Variants in VOPP1 observed in about 807,000 individuals in gnomAD.
VOPP1 encodes WW domain binding protein VOPP1.
A neutral mutation model predicts 23.5 loss-of-function variants in VOPP1; 8 were observed. That is an observed-to-expected ratio of 0.34 (90% CI 0.20 to 0.61). The LOEUF (loss-of-function observed/expected upper bound fraction) is 0.61, where lower values mean the gene tolerates loss of function less well. VOPP1 is among the 20% of genes least tolerant of loss of function. The pLI is 0.78. For synonymous variants in VOPP1, 83 were observed against 97.3 expected, an observed-to-expected ratio of 0.85 and a Z score of 0.86; for missense variants, 174 against 238.1, an observed-to-expected ratio of 0.73 and a Z score of 1.77.
intron 4 of VOPP1, among the ~76,000 whole-genome samples, chr7:55,460,566 C>T (rs78798305): frequency 0.02 from 3,074 of 152,140 alleles, 122 homozygotes; most frequent in African/African-American, 0.071. Context: ...TTGCCTTATA[C>T]AGCTGGGTGC....
At chr7:55,503,962 A>AATC (rs1794539528) in intron 2 of VOPP1, among the ~76,000 whole-genome samples, 1 of 152,196 alleles carries the variant, frequency 6.6e-6, no homozygotes, top group Non-Finnish European at 1.5e-5. Flanking sequence ...TTTATAGAAA[A>AATC]ATCATCTCTG....
rs1019292100 is a variant in VOPP1, at chr7:55,497,782, C to T, written c.114-92G>A. 19 of 1,105,548 alleles carry T rather than the reference C, an allele frequency of 1.7e-5. No homozygotes were observed. The East Asian group carries it at 4.5e-4, about 26-fold the overall frequency. 68.5% of individuals were successfully genotyped at this position (1,105,548 alleles called of 1,614,324 possible). On this transcript the variant is annotated intron_variant, in intron 2 of 4. Transcript: ENST00000285279. ...CAGGCTGGGCTTCAATGTAATCATT[C>T]TTGAAGGAAGAAATCAGTAAGAGCA...
intron 1 of VOPP1, among the ~76,000 whole-genome samples, chr7:55,543,043 G>A (rs1439883588): frequency 2.0e-5 from 3 of 151,990 alleles, no homozygotes; most frequent in Non-Finnish European, 4.4e-5. Context: ...AGCCTCTCGA[G>A]TAGCTGGGAA....
At chr7:55,456,369 C>T (rs527515656) in intron 4 of VOPP1, among the ~76,000 whole-genome samples, 1 of 152,154 alleles carries the variant, frequency 6.6e-6, no homozygotes, top group Non-Finnish European at 1.5e-5. Flanking sequence ...ATTAGTTCAG[C>T]CATTGTGGAA....
chr7:55,453,176 T>C (rs927874724), intron 4 of VOPP1, among the ~76,000 whole-genome samples: 7 of 152,244 alleles, frequency 4.6e-5, no homozygotes, highest in Non-Finnish European at 1.0e-4. Flanking sequence ...GATGACTTCT[T>C]TTCTTAAACC....
At chr7:55,549,155 G>A (rs903022112) in intron 1 of VOPP1, among the ~76,000 whole-genome samples, 19 of 152,258 alleles carry the variant, frequency 1.2e-4, no homozygotes, top group Admixed American at 4.6e-4. Flanking sequence ...CTCCAAATGC[G>A]CCTAAATTAC....
At chr7:55,504,307 A>G (rs1292878580) in intron 2 of VOPP1, among the ~76,000 whole-genome samples, 2 of 152,214 alleles carry the variant, frequency 1.3e-5, no homozygotes, top group Admixed American at 1.3e-4. Context: ...AGGCTTCCCA[A>G]TTTAGAAGCA....
intron 4 of VOPP1, among the ~76,000 whole-genome samples, chr7:55,441,139 G>C (rs144509072): frequency 6.6e-6 from 1 of 152,156 alleles, no homozygotes; most frequent in Non-Finnish European, 1.5e-5. Flanking sequence ...GTTGCTTGCC[G>C]GCACAGAGCC....
chr7:55,537,455 C>T lies in VOPP1; in HGVS notation c.55-16325G>A, dbSNP rs372358202. On this transcript the variant is annotated intron_variant, in intron 1 of 4. Transcript: ENST00000285279. ...CTTTCCCAGAACTGAAGCCCAAACT[C>T]TGGGCCAGGCTTCACAGCAAACTGA... 367 of 1,535,692 alleles carry T rather than the reference C, an allele frequency of 2.4e-4. 2 individuals carry two copies. The East Asian group carries it at 6.5e-3, about 27-fold the overall frequency.
intron 4 of VOPP1, among the ~76,000 whole-genome samples, chr7:55,481,184 G>C (rs1792679946): frequency 6.6e-6 from 1 of 152,262 alleles, no homozygotes; most frequent in African/African-American, 2.4e-5. Flanking sequence ...GCTGTCTGGA[G>C]GGTCTCAGGA....
intron 2 of VOPP1, among the ~76,000 whole-genome samples, chr7:55,506,498 G>A (rs1794734779): frequency 6.6e-6 from 1 of 152,056 alleles, no homozygotes; most frequent in East Asian, 1.9e-4. Flanking sequence ...CCCACGCCCA[G>A]CTAATTTTTT....
chr7:55,530,048 T>A (rs546418410), intron 1 of VOPP1, among the ~76,000 whole-genome samples: 1 of 152,290 alleles, frequency 6.6e-6, no homozygotes, highest in East Asian at 1.9e-4. Context: ...TGGACAGATA[T>A]CTTAATTTCT....
At chr7:55,489,300 A>C (rs1467163914) in intron 4 of VOPP1, among the ~76,000 whole-genome samples, 1 of 152,184 alleles carries the variant, frequency 6.6e-6, no homozygotes, top group African/African-American at 2.4e-5. Context: ...AAGAAGTATA[A>C]AATGAAAAAC....
chr7:55,523,766 A>G (rs1796013709), intron 1 of VOPP1, among the ~76,000 whole-genome samples: 1 of 152,204 alleles, frequency 6.6e-6, no homozygotes. Flanking sequence ...CTCACTTCCT[A>G]AACAAAATGT....
intron 1 of VOPP1, among the ~76,000 whole-genome samples, chr7:55,541,757 T>C (rs766711832): frequency 6.6e-6 from 1 of 152,218 alleles, no homozygotes. Context: ...TCCGGTTATT[T>C]AGCAATGAAA....
At chr7:55,538,658 T>C (rs1366475359) in intron 1 of VOPP1, 1 of 1,535,914 alleles carries the variant, frequency 6.5e-7, no homozygotes, top group East Asian at 2.4e-5. Flanking sequence ...CGCTGAGCAT[T>C]GTGTGTAATG....
At chr7:55,467,101 T>C (rs1345846025), downstream of VOPP1, among the ~76,000 whole-genome samples, 2 of 152,228 alleles carry the variant, frequency 1.3e-5, no homozygotes, top group East Asian at 1.9e-4. Flanking sequence ...GGGAATCTAA[T>C]GCCACTGCTG....
At chr7:55,537,545 T>G in intron 1 of VOPP1, 1 of 1,536,008 alleles carries the variant, frequency 6.5e-7, no homozygotes. Flanking sequence ...GGCGCAAGGA[T>G]GCAGGCAGCG....
At chr7:55,564,216 A>G (rs927863654) in intron 1 of VOPP1, among the ~76,000 whole-genome samples, 7 of 83,562 alleles carry the variant, frequency 8.4e-5, no homozygotes, top group Non-Finnish European at 1.8e-4. Context: ...TAATAATCTC[A>G]TCAACACACT....
Sources: allele counts gnomAD v4.1 joint callset (sites outside exome capture counted in the v4.1 genomes callset), GRCh38; gene constraint gnomAD v4.1.1; transcripts MANE v1.5; gene names NCBI Gene and HGNC (gene_info 2026-07-23, HGNC 2026-07-21).